The following PLCZ1 variants were observed in gnomAD, a reference collection of about 807,000 sequenced individuals.
PLCZ1 encodes phospholipase C zeta 1, also known as 1-phosphatidylinositol 4,5-bisphosphate phosphodiesterase zeta-1.
In PLCZ1, 64 loss-of-function variants were observed where a neutral mutation model predicts 76.8. The observed-to-expected ratio is 0.83, with a 90% confidence interval of 0.68 to 1.03. The LOEUF (loss-of-function observed/expected upper bound fraction) is 1.03, where lower values mean the gene tolerates loss of function less well. PLCZ1 is among the 50% of genes least tolerant of loss of function. The pLI, the probability that PLCZ1 is intolerant of heterozygous loss-of-function variation, is 0.00. For missense variants in PLCZ1, 751 were observed against 713.7 expected, an observed-to-expected ratio of 1.05 and a Z score of -0.60; for synonymous variants, 248 against 230.8, an observed-to-expected ratio of 1.07 and a Z score of -0.68.
At chr12:18,657,953 C>A in the PLCZ1 span, among the ~76,000 whole-genome samples, 1 of 151,842 alleles carries the variant, frequency 6.6e-6, no homozygotes, top group African/African-American at 2.4e-5. Context: ...TGAAGAGAAC[C>A]ACTAGAATAA....
chr12:18,675,733 G>A, the PLCZ1 span, among the ~76,000 whole-genome samples: 2 of 152,186 alleles, frequency 1.3e-5, no homozygotes, highest in Non-Finnish European at 2.9e-5. Flanking sequence ...CAACATGGAT[G>A]GAGCTGGAGT....
intron 4 of PLCZ1, among the ~76,000 whole-genome samples, chr12:18,721,772 T>A (rs1030097336): frequency 1.3e-5 from 2 of 151,690 alleles, no homozygotes; most frequent in East Asian, 3.9e-4. Context: ...ATATAGTCGC[T>A]TAGTATTCTT....
chr12:18,658,348 C>T, the PLCZ1 span, among the ~76,000 whole-genome samples: 1 of 152,086 alleles, frequency 6.6e-6, no homozygotes, highest in East Asian at 1.9e-4. Flanking sequence ...TCAACAAACT[C>T]TAAGTAGGAT....
the PLCZ1 span, among the ~76,000 whole-genome samples, chr12:18,658,610 T>G: frequency 6.6e-6 from 1 of 152,162 alleles, no homozygotes. Context: ...GGAGAATTTT[T>G]TAATAGAAAA....
the PLCZ1 span, among the ~76,000 whole-genome samples, chr12:18,666,574 A>C: frequency 6.6e-6 from 1 of 152,214 alleles, no homozygotes; most frequent in Non-Finnish European, 1.5e-5. Flanking sequence ...TGTGAAGCAA[A>C]AACTGACAGA....
At chr12:18,680,431 C>T (rs1952304092), downstream of PLCZ1, among the ~76,000 whole-genome samples, 1 of 151,952 alleles carries the variant, frequency 6.6e-6, no homozygotes, top group Non-Finnish European at 1.5e-5. Flanking sequence ...AGCTTCCTCA[C>T]ACCTCTTTCA....
intron 3 of PLCZ1, among the ~76,000 whole-genome samples, chr12:18,730,086 T>A (rs1958959989): frequency 6.6e-6 from 1 of 152,066 alleles, no homozygotes; most frequent in African/African-American, 2.4e-5. Context: ...ATTCTACGGA[T>A]TAAGAAATTT....
intron 3 of PLCZ1, among the ~76,000 whole-genome samples, chr12:18,733,278 T>C (rs962525169): frequency 1.3e-5 from 2 of 152,320 alleles, no homozygotes; most frequent in Non-Finnish European, 1.5e-5. Context: ...TACAATCCCT[T>C]TGCACATTTT....
the PLCZ1 span, among the ~76,000 whole-genome samples, chr12:18,671,019 A>C: frequency 6.6e-6 from 1 of 151,908 alleles, no homozygotes; most frequent in African/African-American, 2.4e-5. Flanking sequence ...CTCCACTAAA[A>C]TACAAAAATT....
At chr12:18,647,979 TC>T in the PLCZ1 span, 1 of 1,598,722 alleles carries the variant, frequency 6.3e-7, no homozygotes. Flanking sequence ...CTCTGTAGTG[TC>T]CCACTCGATA....
At chr12:18,675,471 C>T in the PLCZ1 span, among the ~76,000 whole-genome samples, 1 of 152,098 alleles carries the variant, frequency 6.6e-6, no homozygotes, top group Non-Finnish European at 1.5e-5. Context: ...GTATTTCTCA[C>T]AGAACTAAAA....
chr12:18,659,948 T>C, the PLCZ1 span, among the ~76,000 whole-genome samples: 2 of 152,040 alleles, frequency 1.3e-5, no homozygotes, highest in African/African-American at 2.4e-5. Context: ...CAAATTTACA[T>C]AGAGAAATAA....
intron 3 of PLCZ1, among the ~76,000 whole-genome samples, chr12:18,732,763 C>T (rs184988808): frequency 2.6e-4 from 39 of 152,212 alleles, no homozygotes; most frequent in Middle Eastern, 3.4e-3. Context: ...ATATAATGTC[C>T]TCTAGTTTTA....
At chr12:18,734,350 T>C (rs1415217947) in intron 3 of PLCZ1, among the ~76,000 whole-genome samples, 1 of 151,966 alleles carries the variant, frequency 6.6e-6, no homozygotes, top group Non-Finnish European at 1.5e-5. Context: ...GTTTTTGTTG[T>C]TGTTGTTGTT....
In PLCZ1 at chr12:18,737,465, T is replaced by C. The variant is rs768962770; in HGVS notation, c.-94A>G. 1 of 1,534,650 alleles carries C rather than the reference T, an allele frequency of 6.5e-7. No individual in the cohort carries two copies. Among genetic ancestry groups the C allele is most frequent in the African/African-American group, 1.4e-5 (1 of 73,106 alleles). ...TCCAAATACAATTAACTCTGCCCCTTTGCAGAAAATAATTTCTTGATACTC... is the reference window on the plus strand; with the variant it reads ...TCCAAATACAATTAACTCTGCCCCTCTGCAGAAAATAATTTCTTGATACTC... On this transcript the variant is annotated 5_prime_UTR_variant, in exon 2 of 15. Transcript: ENST00000266505.
chr12:18,696,321 A>C, intron 10 of PLCZ1, 55 bp from the exon 11 acceptor site: 1 of 301,296 alleles, frequency 3.3e-6, no homozygotes, highest in East Asian at 9.1e-5. Context: ...TTAAAAAGCC[A>C]CTATATATAT....
chr12:18,720,005 T>C (rs922664186), intron 4 of PLCZ1, among the ~76,000 whole-genome samples: 3 of 152,052 alleles, frequency 2.0e-5, no homozygotes, highest in Non-Finnish European at 2.9e-5. Context: ...TCCGACTAAC[T>C]TCCCAGTCAC....
intron 3 of PLCZ1, among the ~76,000 whole-genome samples, chr12:18,728,446 C>T (rs4764421): frequency 0.068 from 10,321 of 152,106 alleles, 481 homozygotes; most frequent in Middle Eastern, 0.11. Context: ...GAACTTGTTC[C>T]TATTTAAGAA....
chr12:18,696,195 A>G lies in PLCZ1; in HGVS notation c.1246T>C (p.Ser416Pro). ...CAAAATTCTTGGGGATTAAAATTAGAAGAGTCTGCTCTTGTTGCTTTGGGA... is the reference window on the plus strand; with the variant it reads ...CAAAATTCTTGGGGATTAAAATTAGGAGAGTCTGCTCTTGTTGCTTTGGGA... ...IYPKATRADSSNFNPQEFWNI... is the reference protein window; with the variant it reads ...IYPKATRADSPNFNPQEFWNI... The change falls in exon 11 of 15, where the codon TCT (serine) becomes CCT (proline). Residue 416 changes from serine to proline, a missense_variant. Physicochemically the swap from Ser to Pro is moderately conservative, Grantham distance 74. Transcript: ENST00000266505. 1 of 1,599,520 alleles carries G rather than the reference A, an allele frequency of 6.3e-7. No homozygotes were observed. The highest frequency in any genetic ancestry group is 1.1e-5 in the South Asian group (1 of 90,038).
Sources: gnomAD v4.1 joint callset for allele counts (sites outside exome capture counted in the v4.1 genomes callset) on GRCh38, gnomAD v4.1.1 for gene constraint, MANE v1.5 for transcripts, NCBI Gene and HGNC (gene_info 2026-07-23, HGNC 2026-07-21) for gene names.